Variants in HDAC9 observed in about 807,000 individuals in gnomAD.
HDAC9 encodes histone deacetylase 9, also known as MEF-2 interacting transcription repressor (MITR) protein.
Under a neutral mutation model 139.4 loss-of-function variants are expected in HDAC9, and 41 were observed. The ratio of observed to expected loss-of-function variants is 0.29; its 90% confidence interval spans 0.23 to 0.38. The LOEUF is 0.38. Among genes scored for constraint, HDAC9 ranks in the 10% least tolerant of loss-of-function variants. HDAC9 has a pLI of 1.00. For synonymous variants in HDAC9, 517 were observed against 476.2 expected, an observed-to-expected ratio of 1.09 and a Z score of -1.12; for missense variants, 1,147 against 1,297.0, an observed-to-expected ratio of 0.88 and a Z score of 1.78.
chr7:18,792,913 TC>T (rs2129179007), intron 16 of HDAC9, among the ~76,000 whole-genome samples: 1 of 152,232 alleles, frequency 6.6e-6, no homozygotes, highest in South Asian at 2.1e-4. Flanking sequence ...ATTTGAATTT[TC>T]CCCCTCTAGC....
intron 6 of HDAC9, among the ~76,000 whole-genome samples, chr7:18,605,026 G>A (rs1483849755): frequency 1.3e-5 from 2 of 152,270 alleles, no homozygotes; most frequent in Middle Eastern, 3.4e-3. Flanking sequence ...TACTTTTGAT[G>A]TGAGGTTTTA....
intron 2 of HDAC9, among the ~76,000 whole-genome samples, chr7:18,256,148 C>G (rs533541626): frequency 6.6e-6 from 1 of 151,992 alleles, no homozygotes; most frequent in South Asian, 2.1e-4. Flanking sequence ...TTTTATGTTG[C>G]GTATCTGAGA....
intron 12 of HDAC9, among the ~76,000 whole-genome samples, chr7:18,706,160 C>CTTTT (rs1165670432): frequency 4.6e-5 from 4 of 86,750 alleles, no homozygotes; most frequent in South Asian, 4.8e-4. Flanking sequence ...GAAAGTTTTC[C>CTTTT]TTTTTTTTTT....
At chr7:18,285,174 A>G (rs1797356380) in intron 2 of HDAC9, among the ~76,000 whole-genome samples, 1 of 152,096 alleles carries the variant, frequency 6.6e-6, no homozygotes, top group South Asian at 2.1e-4. Flanking sequence ...TGAGGGTGTG[A>G]ATGGCAAGTG....
intron 21 of HDAC9, among the ~76,000 whole-genome samples, chr7:18,865,563 A>G (rs1430611211): frequency 6.6e-5 from 10 of 152,302 alleles, no homozygotes; most frequent in Middle Eastern, 3.4e-3. Context: ...ACAAATGCCC[A>G]TGGTAAACCT....
At chr7:18,772,379 C>T (rs1256411559) in intron 16 of HDAC9, among the ~76,000 whole-genome samples, 1 of 151,996 alleles carries the variant, frequency 6.6e-6, no homozygotes, top group East Asian at 1.9e-4. Flanking sequence ...TTTGCATGTT[C>T]CTGAGGTTTT....
intron 16 of HDAC9, among the ~76,000 whole-genome samples, chr7:18,785,059 A>C (rs1191798189): frequency 6.6e-6 from 1 of 151,764 alleles, no homozygotes; most frequent in African/African-American, 2.4e-5. Context: ...ATATTATATA[A>C]TTATTTCTTT....
intron 2 of HDAC9, among the ~76,000 whole-genome samples, chr7:18,178,330 A>G (rs1305295341): frequency 6.6e-6 from 1 of 152,196 alleles, no homozygotes; most frequent in East Asian, 1.9e-4. Flanking sequence ...GGCAATCTGC[A>G]TGCCTTGGGC....
intron 12 of HDAC9, among the ~76,000 whole-genome samples, chr7:18,688,735 C>A (rs570447157): frequency 2.6e-5 from 4 of 151,742 alleles, no homozygotes; most frequent in African/African-American, 9.7e-5. Context: ...CACACATTCA[C>A]GGGAAATGTC....
chr7:18,971,200 A>C (rs1784223390), intron 24 of HDAC9, among the ~76,000 whole-genome samples: 1 of 152,222 alleles, frequency 6.6e-6, no homozygotes, highest in Non-Finnish European at 1.5e-5. Context: ...AAAAAACAAA[A>C]ACACAGAATG....
chr7:18,386,244 G>A (rs533344479), intron 1 of HDAC9, among the ~76,000 whole-genome samples: 1 of 152,208 alleles, frequency 6.6e-6, no homozygotes, highest in South Asian at 2.1e-4. Context: ...CTTTCTGGCA[G>A]CCCCATAATG....
intron 25 of HDAC9, among the ~76,000 whole-genome samples, chr7:18,991,400 G>C (rs1440166317): frequency 6.6e-6 from 1 of 152,180 alleles, no homozygotes; most frequent in Non-Finnish European, 1.5e-5. Context: ...CAGTGCTTTG[G>C]GAGGCCGAGG....
At chr7:18,521,377 T>C (rs1447242374) in intron 2 of HDAC9, among the ~76,000 whole-genome samples, 1 of 152,288 alleles carries the variant, frequency 6.6e-6, no homozygotes, top group Non-Finnish European at 1.5e-5. Context: ...ACACTTCTTG[T>C]TTCGTTTTAT....
At chr7:18,875,728 T>A (rs1799271640) in intron 22 of HDAC9, among the ~76,000 whole-genome samples, 1 of 152,196 alleles carries the variant, frequency 6.6e-6, no homozygotes, top group Admixed American at 6.5e-5. Flanking sequence ...TGAGATTAAA[T>A]GTCTGTATGG....
intron 8 of HDAC9, among the ~76,000 whole-genome samples, chr7:18,637,208 T>G (rs1355955828): frequency 1.3e-5 from 2 of 152,030 alleles, no homozygotes; most frequent in Non-Finnish European, 2.9e-5. Context: ...AGCATGATGA[T>G]TACCTTTCAG....
chr7:18,457,426 G>A (rs973744341), intron 1 of HDAC9, among the ~76,000 whole-genome samples: 3 of 152,138 alleles, frequency 2.0e-5, no homozygotes, highest in Non-Finnish European at 4.4e-5. Flanking sequence ...TAAAATTCAT[G>A]AGATATTATA....
At chr7:18,981,057 C>CTCA (rs1784917296) in intron 25 of HDAC9, among the ~76,000 whole-genome samples, 1 of 152,032 alleles carries the variant, frequency 6.6e-6, no homozygotes, top group African/African-American at 2.4e-5. Context: ...ATCTCCTGAC[C>CTCA]TCATGATCAG....
intron 16 of HDAC9, among the ~76,000 whole-genome samples, chr7:18,774,893 C>T (rs184887826): frequency 4.5e-4 from 69 of 152,204 alleles, no homozygotes; most frequent in African/African-American, 1.4e-3. Context: ...CAGCTTTCAA[C>T]ATGCCTTCTT....
At chr7:18,400,126 A>G (rs1787400962) in intron 1 of HDAC9, among the ~76,000 whole-genome samples, 1 of 152,218 alleles carries the variant, frequency 6.6e-6, no homozygotes, top group Admixed American at 6.5e-5. Flanking sequence ...TGTAGCTGAC[A>G]ACATTAGATG....
Sources: allele counts gnomAD v4.1 joint callset (sites outside exome capture counted in the v4.1 genomes callset), GRCh38; gene constraint gnomAD v4.1.1; transcripts MANE v1.5; gene names NCBI Gene and HGNC (gene_info 2026-07-23, HGNC 2026-07-21).